Variants in DOCK10 observed in about 807,000 individuals in gnomAD.
The protein encoded by DOCK10 is dedicator of cytokinesis 10, also known as dedicator of cytokinesis protein 10.
A neutral mutation model predicts 280.1 loss-of-function variants in DOCK10; 145 were observed. The ratio of observed to expected loss-of-function variants is 0.52; its 90% CI spans 0.45 to 0.59. The LOEUF (loss-of-function observed/expected upper bound fraction) is 0.59. DOCK10 is among the 20% of genes least tolerant of loss of function. The pLI is 0.00. For missense variants in DOCK10, 2,368 were observed against 2,651.7 expected (o/e 0.89, Z 2.35); for synonymous variants, 915 against 942.2 (o/e 0.97, Z 0.53).
At chr2:224,766,670 C>T (rs755658073) in intron 55 of DOCK10, among the ~76,000 whole-genome samples, 6 of 152,112 alleles carry the variant, frequency 3.9e-5, no homozygotes, top group Non-Finnish European at 7.4e-5. Flanking sequence ...TATTGGATAC[C>T]CATCATCACA....
At chr2:224,799,575 C>T (rs1692828194) in intron 41 of DOCK10, among the ~76,000 whole-genome samples, 1 of 152,218 alleles carries the variant, frequency 6.6e-6, no homozygotes, top group Non-Finnish European at 1.5e-5. Flanking sequence ...GTATGATTAA[C>T]TTTTTCAGAG....
intron 1 of DOCK10, among the ~76,000 whole-genome samples, chr2:225,019,071 A>C (rs281534): frequency 0.74 from 112,087 of 151,702 alleles, 42,299 homozygotes; most frequent in Middle Eastern, 0.88. Flanking sequence ...TGAATGGCTG[A>C]ACATTTTCTA....
chr2:224,830,948 A>ATTTATTTATTTATTTATTTT (rs1695188454), intron 26 of DOCK10, among the ~76,000 whole-genome samples: 1 of 151,816 alleles, frequency 6.6e-6, no homozygotes, highest in African/African-American at 2.4e-5. Context: ...TTATTTATTT[A>ATTTATTTATTTATTTATTTT]TTTTTTGAGA....
At position 225,035,566 on chromosome 2, in the gene DOCK10, AT is replaced by A. The variant is rs1559986456; in HGVS notation, c.123+6685del. On this transcript the variant is annotated intron_variant, in intron 1 of 55. Transcript: ENST00000258390. Reference sequence around the variant, plus strand: ...ATTATATATATATATATATATATATATATATATATATATATATATATAACAC... The same window carrying A: ...ATTATATATATATATATATATATATAATATATATATATATATATATAACAC... 2.6e-4 allele frequency among the ~76,000 whole-genome samples: 14 copies of A among 54,630 alleles called. 1 individual carries two copies. The highest frequency in any genetic ancestry group is 6.7e-4 in the African/African-American group (14 of 21,030). The allele number at this position is 54,630 out of a possible 152,430, so 35.8% of individuals were successfully genotyped here.
chr2:224,987,150 A>G (rs904942973), intron 1 of DOCK10, among the ~76,000 whole-genome samples: 4 of 152,214 alleles, frequency 2.6e-5, no homozygotes, highest in African/African-American at 9.7e-5. Flanking sequence ...AAATGACAAC[A>G]AAGCAGTATA....
intron 4 of DOCK10, among the ~76,000 whole-genome samples, chr2:224,887,614 A>G (rs989648460): frequency 2.0e-5 from 3 of 152,154 alleles, no homozygotes; most frequent in Non-Finnish European, 2.9e-5. Context: ...CCCCTTTACT[A>G]TATAAACTCC....
At chr2:224,784,317 C>G (rs959767606) in intron 50 of DOCK10, among the ~76,000 whole-genome samples, 4 of 152,154 alleles carry the variant, frequency 2.6e-5, no homozygotes, top group African/African-American at 4.8e-5. Flanking sequence ...AACCATCACT[C>G]CAACTTCCAA....
intron 4 of DOCK10, among the ~76,000 whole-genome samples, chr2:224,886,895 CA>C (rs1227932444): frequency 1.4e-4 from 21 of 151,206 alleles, no homozygotes; most frequent in African/African-American, 4.7e-4. Context: ...AACACCCCCC[CA>C]AGTAGTACCT....
intron 1 of DOCK10, among the ~76,000 whole-genome samples, chr2:225,010,223 A>G (rs1444449238): frequency 6.6e-6 from 1 of 152,158 alleles, no homozygotes; most frequent in East Asian, 1.9e-4. Flanking sequence ...CAAGAGAGGA[A>G]GAAGAGGCAG....
At chr2:224,973,347 A>C (rs1705203196) in intron 1 of DOCK10, among the ~76,000 whole-genome samples, 1 of 152,194 alleles carries the variant, frequency 6.6e-6, no homozygotes. Context: ...GCTAACCTAG[A>C]GATGGGAGAG....
chr2:224,951,449 G>A (rs1703723430), intron 1 of DOCK10, among the ~76,000 whole-genome samples: 1 of 152,204 alleles, frequency 6.6e-6, no homozygotes. Flanking sequence ...ATGGTGTCCA[G>A]TCAGAAAGTA....
At chr2:224,873,392 C>G (rs1369255254) in intron 11 of DOCK10, among the ~76,000 whole-genome samples, 1 of 151,986 alleles carries the variant, frequency 6.6e-6, no homozygotes, top group Non-Finnish European at 1.5e-5. Flanking sequence ...GTCTGGCCAT[C>G]ATGGCAAAAC....
intron 11 of DOCK10, among the ~76,000 whole-genome samples, chr2:224,866,830 G>A (rs2125639274): frequency 6.6e-6 from 1 of 152,204 alleles, no homozygotes; most frequent in East Asian, 1.9e-4. Flanking sequence ...TTGGCTAGAG[G>A]CACTCATTCA....
intron 11 of DOCK10, among the ~76,000 whole-genome samples, chr2:224,871,361 C>T (rs372168751): frequency 8.6e-5 from 13 of 151,988 alleles, no homozygotes; most frequent in African/African-American, 3.1e-4. Flanking sequence ...ATTAGGAAAG[C>T]TTATCAGCCC....
intron 1 of DOCK10, among the ~76,000 whole-genome samples, chr2:224,961,466 C>CTTTCTTTCTTTCTTT (rs1278909519): frequency 4.2e-5 from 2 of 48,150 alleles, no homozygotes; most frequent in Non-Finnish European, 8.6e-5. Context: ...TTCTTTCTTT[C>CTTTCTTTCTTTCTTT]TTTTTCTTTC....
intron 1 of DOCK10, among the ~76,000 whole-genome samples, chr2:224,952,168 C>A (rs544564178): frequency 6.6e-6 from 1 of 152,268 alleles, no homozygotes; most frequent in East Asian, 1.9e-4. Context: ...CACAGCTGTA[C>A]GAAAATTCAT....
intron 1 of DOCK10, among the ~76,000 whole-genome samples, chr2:224,995,619 A>T (rs1322920264): frequency 6.6e-6 from 1 of 152,226 alleles, no homozygotes; most frequent in Non-Finnish European, 1.5e-5. Context: ...CTCACAAGAC[A>T]GAACCATGGA....
intron 11 of DOCK10, among the ~76,000 whole-genome samples, chr2:224,873,289 A>G (rs1183623862): frequency 2.0e-5 from 3 of 152,134 alleles, no homozygotes; most frequent in East Asian, 1.9e-4. Context: ...TGTAAAAGCC[A>G]TCTCTGGCCA....
At position 224,778,270 on chromosome 2, in the gene DOCK10, T is replaced by A. The variant is rs751380668; in HGVS notation, c.5670A>T (p.Glu1890Asp). The A allele has an allele frequency of 3.5e-5, 56 of 1,603,266 alleles. 1 individual carries two copies. In the South Asian group the frequency reaches 6.2e-4, roughly 18 times the overall value. ...VAFYGQGFFE[E>D]EEGKEYIYKE... ...TATAAATATACTCTTTACCTTCTTC[T>A]TCTTCAAAAAAGCCCTATGGAACAT... Residue 1890 changes from glutamate (E) to aspartate (D), a missense_variant, in exon 51 of 56, where the codon GAA becomes GAT. This residue lies in a region of DOCK10 where 1,159 missense variants were observed against 1,400.8 expected (regional missense o/e 0.83). Coordinates refer to ENST00000258390, the MANE Select transcript of DOCK10 (RefSeq NM_014689.3).
Sources: allele counts gnomAD v4.1 joint callset (sites outside exome capture counted in the v4.1 genomes callset), GRCh38; gene constraint gnomAD v4.1.1; regional missense constraint gnomAD v4.1.1; transcripts MANE v1.5; gene names NCBI Gene and HGNC (gene_info 2026-07-23, HGNC 2026-07-21).